POLK: variants seen among roughly 807,000 people sequenced by gnomAD.
POLK encodes polymerase (DNA directed) kappa.
POLK carries 76 observed loss-of-function variants against 94.0 expected under a neutral mutation model. The observed-to-expected ratio is 0.81, with a 90% CI of 0.67 to 0.98. The LOEUF (loss-of-function observed/expected upper bound fraction) is 0.98, where lower values mean the gene tolerates loss of function less well. Among genes scored for constraint, POLK ranks in the 50% least tolerant of loss-of-function variants. The pLI is 0.00. For missense variants in POLK, 954 were observed against 1,010.1 expected, an observed-to-expected ratio of 0.94 and a Z score of 0.75; for synonymous variants, 349 against 325.4, an observed-to-expected ratio of 1.07 and a Z score of -0.78.
intron 1 of POLK, among the ~76,000 whole-genome samples, chr5:75,531,883 C>T (rs148694723): frequency 6.6e-6 from 1 of 152,168 alleles, no homozygotes; most frequent in African/African-American, 2.4e-5. Context: ...GTCTCTGGCT[C>T]ATGAAGGTCC....
chr5:75,601,389 G>A (rs1194524841), downstream of POLK, among the ~76,000 whole-genome samples: 1 of 151,308 alleles, frequency 6.6e-6, no homozygotes, highest in Admixed American at 6.6e-5. Flanking sequence ...CGTTTGTGAT[G>A]GTTAATATTG....
intron 5 of POLK, among the ~76,000 whole-genome samples, chr5:75,574,747 C>T (rs1238683956): frequency 6.6e-6 from 1 of 152,104 alleles, no homozygotes; most frequent in African/African-American, 2.4e-5. Context: ...CTGTCCAAGG[C>T]AGTCTGTGAC....
downstream of POLK, among the ~76,000 whole-genome samples, chr5:75,603,022 C>T (rs985723341): frequency 6.6e-6 from 1 of 152,106 alleles, no homozygotes; most frequent in Non-Finnish European, 1.5e-5. Flanking sequence ...TATAACAGAA[C>T]TTAAGAAGGA....
chr5:75,577,922 A>G (rs537412272), intron 6 of POLK, among the ~76,000 whole-genome samples: 47 of 152,310 alleles, frequency 3.1e-4, no homozygotes, highest in African/African-American at 1.1e-3. Context: ...GCACAGAGCA[A>G]AAGGTTTTCC....
chr5:75,579,203 C>T (rs1561393550), intron 6 of POLK, among the ~76,000 whole-genome samples: 2 of 152,212 alleles, frequency 1.3e-5, no homozygotes, highest in African/African-American at 2.4e-5. Context: ...AGGTACAAAA[C>T]ATGGCATAAA....
At chr5:75,604,735 AACACACTTTGTG>A (rs1773379070), downstream of POLK, among the ~76,000 whole-genome samples, 4 of 152,164 alleles carry the variant, frequency 2.6e-5, no homozygotes, top group Admixed American at 2.6e-4. Context: ...GATATATTTG[AACACACTTTGTG>A]TTGGTAGGAT....
intron 4 of POLK, among the ~76,000 whole-genome samples, chr5:75,573,067 T>C (rs1019203015): frequency 2.6e-5 from 4 of 152,240 alleles, no homozygotes; most frequent in Admixed American, 2.0e-4. Flanking sequence ...TGCACACATA[T>C]GTTTATTGCG....
intron 3 of POLK, chr5:75,568,683 A>G: frequency 2.3e-6 from 1 of 442,344 alleles, no homozygotes; most frequent in South Asian, 1.6e-5. Context: ...ATAGATTAAC[A>G]TCAAATTTTA....
In POLK at chr5:75,595,218, C is replaced by T. The variant is rs141403558; in HGVS notation, c.1529-1004C>T. Among the ~76,000 whole-genome samples, 270 of 130,904 alleles carry T rather than the reference C, an allele frequency of 2.1e-3. 1 individual carries two copies. In the East Asian group the frequency reaches 0.029, roughly 14 times the overall value. The allele number at this position is 130,904 out of a possible 152,430, so 85.9% of individuals were successfully genotyped here. On this transcript the variant is annotated intron_variant, in intron 12 of 14. Coordinates refer to ENST00000241436, the Ensembl canonical transcript of POLK. ...CTGAGATCACGCTGTTGCACTCCAG[C>T]CTGGGCAACAAGAGTGAAACTCCAC...
At chr5:75,596,330 C>A in exon 13 of POLK, 1 of 1,612,382 alleles carries the variant, frequency 6.2e-7, no homozygotes, top group South Asian at 1.1e-5. Flanking sequence ...ACTGAGTGTA[C>A]ATTAGAGAAA....
At chr5:75,524,655 A>G (rs575082363) in intron 1 of POLK, among the ~76,000 whole-genome samples, 2 of 152,282 alleles carry the variant, frequency 1.3e-5, no homozygotes, top group East Asian at 3.9e-4. Context: ...GGGGTCTGGA[A>G]CAAAAAACAG....
chr5:75,595,060 G>T (rs1420862901), intron 12 of POLK, among the ~76,000 whole-genome samples: 1 of 151,990 alleles, frequency 6.6e-6, no homozygotes, highest in Non-Finnish European at 1.5e-5. Context: ...AGACCAGCCT[G>T]GCCAACATAG....
At chr5:75,532,576 G>A (rs1041333855) in intron 1 of POLK, among the ~76,000 whole-genome samples, 1 of 152,054 alleles carries the variant, frequency 6.6e-6, no homozygotes, top group Non-Finnish European at 1.5e-5. Context: ...ATGGTAGAAC[G>A]ATGTATATTC....
chr5:75,609,899 A>G, the POLK span: 2 of 152,236 alleles, frequency 1.3e-5, no homozygotes, highest in Non-Finnish European at 2.9e-5. Context: ...GACAAGTTTG[A>G]AATGAACATT....
intron 3 of POLK, chr5:75,568,601 A>G: frequency 2.5e-5 from 8 of 316,746 alleles, no homozygotes; most frequent in South Asian, 2.0e-4. Flanking sequence ...AAGAATCTTC[A>G]CTATTGTATT....
At chr5:75,538,074 T>A (rs1289151767) in intron 1 of POLK, among the ~76,000 whole-genome samples, 1 of 152,086 alleles carries the variant, frequency 6.6e-6, no homozygotes, top group Non-Finnish European at 1.5e-5. Flanking sequence ...GCCAGGATGG[T>A]CTCGATCTCC....
chr5:75,597,774 T>A, exon 14 of POLK: 1 of 1,523,872 alleles, frequency 6.6e-7, no homozygotes, highest in Non-Finnish European at 8.8e-7. Context: ...CAGAAGGCTG[T>A]AACAAGAACA....
At chr5:75,576,199 A>G (rs897992744) in intron 5 of POLK, among the ~76,000 whole-genome samples, 1 of 152,072 alleles carries the variant, frequency 6.6e-6, no homozygotes. Flanking sequence ...ATTTTTTTCC[A>G]TTCCAGATCT....
At chr5:75,587,264 C>T (rs1772523161) in intron 10 of POLK, among the ~76,000 whole-genome samples, 1 of 152,096 alleles carries the variant, frequency 6.6e-6, no homozygotes, top group East Asian at 1.9e-4. Flanking sequence ...TTAACTTCAG[C>T]TATTTTTTAA....
Sources: allele counts gnomAD v4.1 joint callset (sites outside exome capture counted in the v4.1 genomes callset), GRCh38; gene constraint gnomAD v4.1.1; transcripts MANE v1.5; gene names NCBI Gene and HGNC (gene_info 2026-07-23, HGNC 2026-07-21).